GPC5: variants seen among roughly 807,000 people sequenced by gnomAD.
GPC5 encodes glypican 5.
GPC5 carries 47 observed loss-of-function variants against 53.9 expected under a neutral mutation model. That is an observed-to-expected ratio of 0.87 (90% confidence interval 0.69 to 1.11). The LOEUF (loss-of-function observed/expected upper bound fraction) is 1.11, where lower values mean the gene tolerates loss of function less well. GPC5 is among the 50% of genes most tolerant of loss of function. The probability of loss-of-function intolerance (pLI) is 0.00; values close to 1 mark genes in which losing one functional copy is unlikely to be tolerated. For missense variants in GPC5, 748 were observed against 713.1 expected, an observed-to-expected ratio of 1.05 and a Z score of -0.56; for synonymous variants, 286 against 263.3, an observed-to-expected ratio of 1.09 and a Z score of -0.84.
chr13:92,333,418 C>G (rs2043301547), intron 7 of GPC5, among the ~76,000 whole-genome samples: 5 of 152,090 alleles, frequency 3.3e-5, no homozygotes. Context: ...CCACTTGTAT[C>G]CTCTTACATG....
At chr13:92,081,472 A>C (rs2041294887) in intron 6 of GPC5, among the ~76,000 whole-genome samples, 1 of 152,172 alleles carries the variant, frequency 6.6e-6, no homozygotes, top group Non-Finnish European at 1.5e-5. Flanking sequence ...ATGATGAATA[A>C]ATGGATTTTA....
chr13:91,674,498 CAT>C (rs1421902355), intron 2 of GPC5, among the ~76,000 whole-genome samples: 2 of 147,356 alleles, frequency 1.4e-5, no homozygotes, highest in African/African-American at 2.5e-5. Flanking sequence ...TGTATATATG[CAT>C]ATGTGTATAT....
At chr13:91,655,134 T>C (rs895018457) in intron 2 of GPC5, among the ~76,000 whole-genome samples, 2 of 152,124 alleles carry the variant, frequency 1.3e-5, no homozygotes, top group Non-Finnish European at 2.9e-5. Flanking sequence ...TACATATAGA[T>C]TTAGATTATT....
intron 7 of GPC5, among the ~76,000 whole-genome samples, chr13:92,343,771 A>G (rs1392879302): frequency 6.6e-6 from 1 of 152,114 alleles, no homozygotes; most frequent in East Asian, 1.9e-4. Context: ...ATAAATTAAT[A>G]TAAATAAAAT....
intron 5 of GPC5, among the ~76,000 whole-genome samples, chr13:91,887,405 G>A (rs1476950299): frequency 6.6e-6 from 1 of 152,134 alleles, no homozygotes; most frequent in Non-Finnish European, 1.5e-5. Context: ...AAGGTGTGAA[G>A]GTCTAACATG....
intron 7 of GPC5, among the ~76,000 whole-genome samples, chr13:92,298,797 G>A (rs772915240): frequency 6.6e-5 from 10 of 152,218 alleles, no homozygotes; most frequent in African/African-American, 1.2e-4. Context: ...GCCTCCACAC[G>A]CTGCTCTGTC....
intron 7 of GPC5, among the ~76,000 whole-genome samples, chr13:92,806,486 G>A (rs1380483499): frequency 6.6e-6 from 1 of 152,048 alleles, no homozygotes; most frequent in Non-Finnish European, 1.5e-5. Flanking sequence ...TACTGGTGCA[G>A]GCAGCCTAGA....
chr13:92,713,687 T>C (rs1468925444), intron 7 of GPC5, among the ~76,000 whole-genome samples: 1 of 151,426 alleles, frequency 6.6e-6, no homozygotes, highest in Non-Finnish European at 1.5e-5. Flanking sequence ...TGACACTACA[T>C]ACCTATCAGA....
In GPC5 at chr13:91,730,106, C is replaced by A. The variant is rs558006191; in HGVS notation, c.1154+1441C>A. 7.1e-4 allele frequency among the ~76,000 whole-genome samples: 108 copies of A among 152,316 alleles called. 1 individual carries two copies. The highest frequency in any genetic ancestry group is 1.8e-3 in the Admixed American group (27 of 15,294). ...AGATCCAACACATGCTTGTCTCCTG[C>A]CACACGGAGTGAACAACCATAGGAA... is the stretch of plus-strand genomic sequence containing the variant. On this transcript the variant is annotated intron_variant, in intron 4 of 7. Transcript: ENST00000377067.
At chr13:92,260,045 C>T (rs1258928405) in intron 7 of GPC5, among the ~76,000 whole-genome samples, 1 of 152,176 alleles carries the variant, frequency 6.6e-6, no homozygotes, top group Non-Finnish European at 1.5e-5. Context: ...AACTAAACTG[C>T]TTATTCCTCT....
intron 6 of GPC5, among the ~76,000 whole-genome samples, chr13:92,136,459 A>G (rs1052568515): frequency 4.6e-5 from 7 of 152,132 alleles, no homozygotes; most frequent in Non-Finnish European, 8.8e-5. Context: ...TTCTGGTTTG[A>G]ATTTTTTCTG....
intron 7 of GPC5, among the ~76,000 whole-genome samples, chr13:92,632,136 A>C (rs192280654): frequency 1.3e-5 from 2 of 152,298 alleles, no homozygotes; most frequent in Admixed American, 1.3e-4. Context: ...AGTCAGGGCA[A>C]CAGAAGATGA....
At chr13:92,631,130 T>C (rs1415740421) in intron 7 of GPC5, among the ~76,000 whole-genome samples, 4 of 152,094 alleles carry the variant, frequency 2.6e-5, no homozygotes, top group Admixed American at 1.3e-4. Context: ...TATTTTTATA[T>C]AAAAATGAAA....
At chr13:92,109,019 C>T (rs2041531853) in intron 6 of GPC5, among the ~76,000 whole-genome samples, 1 of 147,124 alleles carries the variant, frequency 6.8e-6, no homozygotes, top group Non-Finnish European at 1.5e-5. Flanking sequence ...TGCTGCCTTG[C>T]TGTTTTCTTG....
At chr13:91,722,371 A>G (rs2036492316) in intron 3 of GPC5, among the ~76,000 whole-genome samples, 1 of 152,204 alleles carries the variant, frequency 6.6e-6, no homozygotes, top group South Asian at 2.1e-4. Context: ...ATATCTAAGC[A>G]CTTGTCACTT....
intron 1 of GPC5, among the ~76,000 whole-genome samples, chr13:91,438,211 C>T (rs559185729): frequency 8.5e-5 from 13 of 152,288 alleles, no homozygotes; most frequent in African/African-American, 2.2e-4. Flanking sequence ...TGAGAAGCTG[C>T]GTTCCTTTGG....
At chr13:91,945,213 CACTT>C (rs939729424) in intron 6 of GPC5, among the ~76,000 whole-genome samples, 2 of 152,164 alleles carry the variant, frequency 1.3e-5, no homozygotes, top group African/African-American at 4.8e-5. Context: ...ATTCTTTTCT[CACTT>C]ACACCCTTTA....
At chr13:92,819,878 G>A (rs917627903) in intron 7 of GPC5, among the ~76,000 whole-genome samples, 1 of 152,054 alleles carries the variant, frequency 6.6e-6, no homozygotes, top group African/African-American at 2.4e-5. Context: ...CAACATGACT[G>A]CCTCCTTTCT....
intron 5 of GPC5, among the ~76,000 whole-genome samples, chr13:91,828,414 T>TAC (rs1429573940): frequency 1.3e-5 from 2 of 151,862 alleles, no homozygotes; most frequent in East Asian, 1.9e-4. Context: ...GACACACAGA[T>TAC]ACACACACAC....
Sources: allele counts gnomAD v4.1 joint callset (sites outside exome capture counted in the v4.1 genomes callset), GRCh38; gene constraint gnomAD v4.1.1; transcripts MANE v1.5; gene names NCBI Gene and HGNC (gene_info 2026-07-23, HGNC 2026-07-21).